The following UNC13C variants were observed in gnomAD, a reference collection of about 807,000 sequenced individuals.
UNC13C encodes the protein protein unc-13 homolog C.
A neutral mutation model predicts 245.4 loss-of-function variants in UNC13C; 174 were observed. The observed-to-expected ratio is 0.71, with a 90% CI of 0.63 to 0.80. The LOEUF (loss-of-function observed/expected upper bound fraction) is 0.80. UNC13C is among the 30% of genes least tolerant of loss of function. The pLI is 0.00. For synonymous variants in UNC13C, 992 were observed against 895.1 expected, an observed-to-expected ratio of 1.11 and a Z score of -1.93; for missense variants, 2,829 against 2,602.9, an observed-to-expected ratio of 1.09 and a Z score of -1.89.
the UNC13C span, among the ~76,000 whole-genome samples, chr15:53,842,053 A>T: frequency 5.3e-5 from 8 of 152,188 alleles, no homozygotes; most frequent in Admixed American, 5.2e-4. Context: ...GAGTAAGAAC[A>T]TTGAACTCTG....
At chr15:53,939,369 C>T in the UNC13C span, among the ~76,000 whole-genome samples, 13 of 152,170 alleles carry the variant, frequency 8.5e-5, no homozygotes, top group South Asian at 4.2e-4. Flanking sequence ...CAAAAAACCC[C>T]GGGACCCGAT....
intron 22 of UNC13C, among the ~76,000 whole-genome samples, chr15:54,506,014 A>C (rs1311250214): frequency 1.3e-5 from 2 of 152,170 alleles, no homozygotes; most frequent in East Asian, 3.8e-4. Context: ...TTTCTTCTTT[A>C]GAAAACGATA....
In UNC13C at chr15:54,297,779, A is replaced by G. The variant is rs200357115; in HGVS notation, c.3989-32A>G. ...TATGAGAAAAACATTATTGTCAGAC[A>G]TGACTGACCAATTGCCTTTTTGCTT... On this transcript the variant is annotated intron_variant, in intron 11 of 32. Transcript: ENST00000260323. 9 of 1,476,488 alleles carry G rather than the reference A, an allele frequency of 6.1e-6. No homozygotes were observed. The African/African-American group carries it at 6.9e-5, about 11-fold the overall frequency. The allele number at this position is 1,476,488 out of a possible 1,614,324, so 91.5% of individuals were successfully genotyped here.
At chr15:54,166,943 A>G (rs1295052858) in intron 4 of UNC13C, among the ~76,000 whole-genome samples, 5 of 152,192 alleles carry the variant, frequency 3.3e-5, no homozygotes, top group Non-Finnish European at 1.5e-5. Context: ...ATCCTACTCA[A>G]TCTCAGCATT....
intron 30 of UNC13C, among the ~76,000 whole-genome samples, chr15:54,612,964 C>A (rs1345408245): frequency 2.0e-5 from 3 of 151,778 alleles, no homozygotes; most frequent in Non-Finnish European, 2.9e-5. Flanking sequence ...CAGTGGGGTC[C>A]TAATTTTGTG....
intron 2 of UNC13C, among the ~76,000 whole-genome samples, chr15:54,087,630 G>A (rs1899316403): frequency 6.6e-6 from 1 of 152,174 alleles, no homozygotes; most frequent in East Asian, 1.9e-4. Context: ...ACTACCACAG[G>A]TAGATCTCCT....
intron 27 of UNC13C, 113 bp downstream of exon 27, chr15:54,546,958 G>A: frequency 1.0e-6 from 1 of 979,418 alleles, no homozygotes; most frequent in South Asian, 1.8e-5. Flanking sequence ...AAAAGTGTTT[G>A]GTATCCAGTT....
At chr15:53,880,319 C>A in the UNC13C span, among the ~76,000 whole-genome samples, 1 of 152,166 alleles carries the variant, frequency 6.6e-6, no homozygotes, top group Non-Finnish European at 1.5e-5. Context: ...AACTAGATAG[C>A]AAATCAATAT....
chr15:54,496,713 G>A (rs1893964033), intron 20 of UNC13C, among the ~76,000 whole-genome samples: 1 of 151,924 alleles, frequency 6.6e-6, no homozygotes, highest in African/African-American at 2.4e-5. Flanking sequence ...AAGTAACTCA[G>A]GAATGGAAAA....
intron 1 of UNC13C, among the ~76,000 whole-genome samples, chr15:53,999,913 A>C (rs543261491): frequency 4.6e-4 from 70 of 152,116 alleles, no homozygotes; most frequent in South Asian, 2.9e-3. Flanking sequence ...TATGCTCTGT[A>C]AGATGTTAGT....
chr15:54,247,339 T>C (rs890987534), intron 7 of UNC13C, among the ~76,000 whole-genome samples: 5 of 152,182 alleles, frequency 3.3e-5, no homozygotes, highest in Non-Finnish European at 7.3e-5. Flanking sequence ...TCTTATAGTC[T>C]TATTTCATCT....
At chr15:54,582,502 G>T (rs954909176) in intron 30 of UNC13C, among the ~76,000 whole-genome samples, 1 of 152,154 alleles carries the variant, frequency 6.6e-6, no homozygotes, top group Non-Finnish European at 1.5e-5. Context: ...GAGGAAGGGC[G>T]CACAGTGAGA....
intron 30 of UNC13C, among the ~76,000 whole-genome samples, chr15:54,591,488 G>A (rs932632943): frequency 3.9e-5 from 6 of 152,008 alleles, no homozygotes; most frequent in Admixed American, 2.6e-4. Flanking sequence ...TCTGTTCAGG[G>A]TATCTAATTT....
At chr15:54,242,766 A>T (rs2035887941) in intron 7 of UNC13C, among the ~76,000 whole-genome samples, 2 of 152,218 alleles carry the variant, frequency 1.3e-5, no homozygotes, top group African/African-American at 4.8e-5. Context: ...AATAATAATA[A>T]TCTAACCATG....
chr15:54,505,807 A>G (rs1434955395), intron 22 of UNC13C, among the ~76,000 whole-genome samples: 1 of 141,694 alleles, frequency 7.1e-6, no homozygotes, highest in Non-Finnish European at 1.5e-5. Flanking sequence ...ATTCTATATG[A>G]CTGTGCACTT....
At chr15:54,564,551 C>T (rs1002200723) in intron 29 of UNC13C, among the ~76,000 whole-genome samples, 1 of 151,914 alleles carries the variant, frequency 6.6e-6, no homozygotes, top group Non-Finnish European at 1.5e-5. Context: ...CTCTTTTTAC[C>T]TTCTCCTATG....
chr15:54,262,502 C>G (rs932179719), intron 8 of UNC13C, among the ~76,000 whole-genome samples: 2 of 152,124 alleles, frequency 1.3e-5, no homozygotes, highest in African/African-American at 4.8e-5. Flanking sequence ...TTACTCCAGC[C>G]TAAGCTAATT....
At chr15:54,237,593 A>C (rs2035736450) in intron 6 of UNC13C, 26 bp from the exon 7 acceptor site, 1 of 1,591,032 alleles carries the variant, frequency 6.3e-7, no homozygotes, top group East Asian at 2.2e-5. Flanking sequence ...CTATGTATTA[A>C]TAAGTCATAA....
chr15:54,583,894 T>C (rs1230061526), intron 30 of UNC13C, among the ~76,000 whole-genome samples: 1 of 152,194 alleles, frequency 6.6e-6, no homozygotes, highest in African/African-American at 2.4e-5. Context: ...TTCCTACTTG[T>C]TCTCTTAAAT....
Sources: allele counts gnomAD v4.1 joint callset (sites outside exome capture counted in the v4.1 genomes callset), GRCh38; gene constraint gnomAD v4.1.1; transcripts MANE v1.5; gene names NCBI Gene and HGNC (gene_info 2026-07-23, HGNC 2026-07-21).